PCDHGA4: variants seen among roughly 807,000 people sequenced by gnomAD.
PCDHGA4 encodes protocadherin gamma subfamily A, 4.
A neutral mutation model predicts 54.6 loss-of-function variants in PCDHGA4; 38 were observed. That is an observed-to-expected ratio of 0.70 (90% CI 0.54 to 0.91). The LOEUF is 0.91. PCDHGA4 is among the 40% of genes least tolerant of loss of function. The pLI, the probability that PCDHGA4 is intolerant of heterozygous loss-of-function variation, is 0.00. For missense variants in PCDHGA4, 1,298 were observed against 1,220.9 expected, an observed-to-expected ratio of 1.06 and a Z score of -0.94; for synonymous variants, 511 against 512.9, an observed-to-expected ratio of 1.00 and a Z score of 0.05.
chr5:141,395,589 T>C (rs1254958503), intron 1 of PCDHGA4: 2 of 194,644 alleles, frequency 1.0e-5, no homozygotes, highest in Admixed American at 1.2e-4. Context: ...TGTGTGTGTG[T>C]GTATCCCAAA....
chr5:141,405,164 T>C, intron 1 of PCDHGA4: 1 of 1,614,076 alleles, frequency 6.2e-7, no homozygotes, highest in East Asian at 2.2e-5. Flanking sequence ...TGTGCCCACC[T>C]CACACTTTGT....
At chr5:141,461,388 A>T (rs1025976806) in intron 1 of PCDHGA4, among the ~76,000 whole-genome samples, 5 of 152,164 alleles carry the variant, frequency 3.3e-5, no homozygotes, top group Admixed American at 6.5e-5. Context: ...CCTGATGATT[A>T]GCGATGTTGA....
At chr5:141,508,383 T>C (rs1169318572) in intron 3 of PCDHGA4, 1 of 152,236 alleles carries the variant, frequency 6.6e-6, no homozygotes, top group Non-Finnish European at 1.5e-5. Flanking sequence ...CTCAGATTTA[T>C]AGATGGGAAA....
chr5:141,403,489 C>T (rs187216481), intron 1 of PCDHGA4: 2 of 1,614,050 alleles, frequency 1.2e-6, no homozygotes, highest in East Asian at 2.2e-5. Flanking sequence ...ACCACTTCTC[C>T]CTGAACGTGC....
In PCDHGA4 at chr5:141,432,249, A is replaced by G; in HGVS notation, c.2515-62558A>G. The G allele has an allele frequency of 6.2e-7, 1 of 1,614,206 alleles. No individual in the cohort carries two copies. Among genetic ancestry groups the G allele is most frequent in the Non-Finnish European group, 8.5e-7 (1 of 1,180,044 alleles). On this transcript the variant is annotated intron_variant, in intron 1 of 3. Coordinates refer to ENST00000571252, the MANE Select transcript of PCDHGA4 (RefSeq NM_018917.4). The surrounding 1 kb of genome is among the most constrained non-coding windows in gnomAD (Gnocchi z 6.0). ...TATTCCCTGGCTGAGAACACCATCC[A>G]AGGGGCAAGCCTATCGTCCTACGTG...
intron 1 of PCDHGA4, chr5:141,426,597 T>C (rs2096946172): frequency 2.6e-6 from 1 of 377,476 alleles, no homozygotes. Context: ...TGTCATACCC[T>C]TAGAGATTGT....
rs1379095967 is a variant in PCDHGA4 at position 141,422,752 on chromosome 5, A to C, written c.2514+65131A>C. The C allele has an allele frequency of 6.2e-7, 1 of 1,612,064 alleles. No homozygotes were observed. The highest frequency in any genetic ancestry group is 1.3e-5 in the African/African-American group (1 of 74,892). On this transcript the variant is annotated intron_variant, in intron 1 of 3. Transcript: ENST00000571252. The stretch of plus-strand genomic sequence containing the variant: ...GCCTCTGTCCTCCTATGTCTCTATT[A>C]ACTCCAACACTGGTGTTCTCTATGC...
chr5:141,422,678 A>G, intron 1 of PCDHGA4: 1 of 1,606,250 alleles, frequency 6.2e-7, no homozygotes, highest in Non-Finnish European at 8.5e-7. Flanking sequence ...GACAGCAAAC[A>G]GAATGCCCTG....
At chr5:141,410,008 C>A (rs2095347582) in intron 1 of PCDHGA4, 1 of 1,613,220 alleles carries the variant, frequency 6.2e-7, no homozygotes, top group Non-Finnish European at 8.5e-7. Flanking sequence ...GACACAACGC[C>A]TGGCTGTCCT....
At chr5:141,465,152 G>C (rs1028596804) in intron 1 of PCDHGA4, among the ~76,000 whole-genome samples, 1 of 151,422 alleles carries the variant, frequency 6.6e-6, no homozygotes, top group African/African-American at 2.4e-5. Flanking sequence ...TATATGAAGG[G>C]ACTCTAAATG....
At chr5:141,418,572 A>AC (rs752316020) in intron 1 of PCDHGA4, 2 of 1,613,794 alleles carry the variant, frequency 1.2e-6, no homozygotes, top group African/African-American at 1.3e-5. Context: ...GCCAATGACA[A>AC]CCCCCCAGTG....
chr5:141,500,258 G>A lies in PCDHGA4; in HGVS notation c.2574-5135G>A, dbSNP rs2099798463. On this transcript the variant is annotated intron_variant, in intron 2 of 3. Coordinates refer to ENST00000571252, the MANE Select transcript of PCDHGA4 (RefSeq NM_018917.4). ...TAGCCTTGCTCTGTCACCCAGGCTG[G>A]ACTGCAGTGGCGCAATCTCGGCTCA... Among the ~76,000 whole-genome samples the A allele has an allele frequency of 2.0e-5, 3 of 150,738 alleles. No homozygotes were observed. In the South Asian group the frequency reaches 6.3e-4, roughly 32 times the overall value.
At chr5:141,372,392 T>G in intron 1 of PCDHGA4, 2 of 1,614,052 alleles carry the variant, frequency 1.2e-6, no homozygotes, top group East Asian at 2.2e-5. Flanking sequence ...TCTTCGCAGA[T>G]AGCTTGCAAG....
intron 1 of PCDHGA4, among the ~76,000 whole-genome samples, chr5:141,445,778 T>G (rs1045010487): frequency 6.6e-6 from 1 of 152,190 alleles, no homozygotes; most frequent in East Asian, 1.9e-4. Context: ...TTAAAAGGGC[T>G]AGGGAGGCTA....
intron 1 of PCDHGA4, chr5:141,374,822 T>C: frequency 6.2e-7 from 1 of 1,613,984 alleles, no homozygotes; most frequent in Non-Finnish European, 8.5e-7. Context: ...TCAGCCTGTC[T>C]ACCGTGTAAG....
rs371821042 is a variant in PCDHGA4, at chr5:141,421,764, T to C, written c.2514+64143T>C. The C allele has an allele frequency of 8.7e-6, 14 of 1,613,782 alleles. No individual in the cohort carries two copies. The African/African-American group carries it at 1.5e-4, about 17-fold the overall frequency. ...ACCAGCTCAGCCCTAATAATTACTT[T>C]TCCTTGCAACTGCGGGGCAGAACGG... On this transcript the variant is annotated intron_variant, in intron 1 of 3. Transcript: ENST00000571252.
In PCDHGA4 at chr5:141,432,487, G is replaced by A; in HGVS notation, c.2515-62320G>A. On this transcript the variant is annotated intron_variant, in intron 1 of 3. Coordinates refer to ENST00000571252, the MANE Select transcript of PCDHGA4 (RefSeq NM_018917.4). This position sits in a 1 kb window ranked among gnomAD's most constrained non-coding sequence, Gnocchi z 6.0. ...CCACGGACGGTTCCACTGGCGTGGA[G>A]CTGGCTCCCCGCTCCGCAGAGCCCG... 1.2e-6 allele frequency: 2 copies of A among 1,614,208 alleles called. No homozygotes were observed. The highest frequency in any genetic ancestry group is 2.2e-5 in the East Asian group (1 of 44,874).
At chr5:141,502,953 C>G (rs145774277) in intron 2 of PCDHGA4, among the ~76,000 whole-genome samples, 1,594 of 147,762 alleles carry the variant, frequency 0.011, 24 homozygotes, top group African/African-American at 0.037. Context: ...AAGCGATTCT[C>G]CTGCCTCAGC....
chr5:141,382,569 T>G (rs72790022), intron 1 of PCDHGA4, among the ~76,000 whole-genome samples: 9,817 of 152,272 alleles, frequency 0.064, 368 homozygotes, highest in African/African-American at 0.1. Flanking sequence ...CAAAGAAATC[T>G]AACAGGGAAA....
Sources: gnomAD v4.1 joint callset for allele counts (sites outside exome capture counted in the v4.1 genomes callset) on GRCh38, gnomAD v4.1.1 for gene constraint, Gnocchi (gnomAD v3.1) non-coding constraint, MANE v1.5 for transcripts, NCBI Gene and HGNC (gene_info 2026-07-23, HGNC 2026-07-21) for gene names.